The following ADCY1 variants were observed in gnomAD, a reference collection of about 807,000 sequenced individuals.
ADCY1 encodes adenylate cyclase 1, also known as adenylate cyclase type 1.
ADCY1 carries 28 observed loss-of-function variants against 105.4 expected under a neutral mutation model. The observed-to-expected ratio is 0.27, with a 90% confidence interval of 0.20 to 0.36. The LOEUF (loss-of-function observed/expected upper bound fraction) is 0.36, where lower values mean the gene tolerates loss of function less well. ADCY1 is among the 10% of genes least tolerant of loss of function. The probability of loss-of-function intolerance (pLI) is 1.00; values close to 1 mark genes in which losing one functional copy is unlikely to be tolerated. For synonymous variants in ADCY1, 655 were observed against 623.8 expected (o/e 1.05, Z -0.75); for missense variants, 977 against 1,434.2 (o/e 0.68, Z 5.15).
chr7:45,638,364 G>A (rs1026930381), intron 4 of ADCY1, among the ~76,000 whole-genome samples: 1 of 151,922 alleles, frequency 6.6e-6, no homozygotes, highest in Non-Finnish European at 1.5e-5. Flanking sequence ...ATTTTATCCA[G>A]TATAGCTTCC....
At chr7:45,622,304 C>T (rs1793922093) in intron 3 of ADCY1, among the ~76,000 whole-genome samples, 1 of 152,130 alleles carries the variant, frequency 6.6e-6, no homozygotes, top group Non-Finnish European at 1.5e-5. Context: ...GTCACGTAAC[C>T]TCCCCAAGAA....
intron 1 of ADCY1, among the ~76,000 whole-genome samples, chr7:45,590,376 C>T (rs1792878257): frequency 6.6e-6 from 1 of 152,194 alleles, no homozygotes; most frequent in African/African-American, 2.4e-5. Context: ...GTCCACCTGC[C>T]ATTCACTTCC....
In ADCY1 at chr7:45,591,143, A is replaced by G. The variant is rs1294653050; in HGVS notation, c.640-1616A>G. Among the ~76,000 whole-genome samples the G allele has an allele frequency of 2.0e-5, 3 of 152,102 alleles. No individual in the cohort carries two copies. The highest frequency in any genetic ancestry group is 4.8e-5 in the African/African-American group (2 of 41,400). ...TCCTGATGGATGTGCCTTTGAGGCT[A>G]TGTCATACACCTCAGGTTTGAAGGT... On this transcript the variant is annotated intron_variant, in intron 1 of 19. Transcript: ENST00000297323. The surrounding 1 kb of genome is among the most constrained non-coding windows in gnomAD (Gnocchi z 4.1).
chr7:45,664,645 T>C (rs1183746250), intron 8 of ADCY1: 1 of 618,124 alleles, frequency 1.6e-6, no homozygotes, highest in Non-Finnish European at 2.3e-6. Flanking sequence ...TGTGTCTGTA[T>C]TTTTTTAATA....
At chr7:45,681,355 C>G (rs1417234244) in intron 11 of ADCY1, among the ~76,000 whole-genome samples, 1 of 152,152 alleles carries the variant, frequency 6.6e-6, no homozygotes. Flanking sequence ...GTTTTGTTCT[C>G]TTGGTGGACT....
At position 45,591,458 on chromosome 7, in the gene ADCY1, G is replaced by A. The variant is rs1442124754; in HGVS notation, c.640-1301G>A. ...TTTTTGATTTTAGTTCTGTTTCATAGTGTGCAGCACACATTCACATGTGGG... is the reference window on the plus strand; with the variant it reads ...TTTTTGATTTTAGTTCTGTTTCATAATGTGCAGCACACATTCACATGTGGG... On this transcript the variant is annotated intron_variant, in intron 1 of 19. Coordinates refer to ENST00000297323, the MANE Select transcript of ADCY1 (RefSeq NM_021116.4). This position sits in a 1 kb window ranked among gnomAD's most constrained non-coding sequence, Gnocchi z 4.1. Among the ~76,000 whole-genome samples the A allele has an allele frequency of 6.6e-6, 1 of 152,240 alleles. No individual in the cohort carries two copies. Among genetic ancestry groups the A allele is most frequent in the African/African-American group, 2.4e-5 (1 of 41,472 alleles).
At chr7:45,713,637 C>T (rs1371108725) in intron 19 of ADCY1, 56 bp from the exon 20 acceptor site, 3 of 742,730 alleles carry the variant, frequency 4.0e-6, no homozygotes, top group East Asian at 4.9e-5. Context: ...TTGGTCTCTT[C>T]CCAGAGGAGT....
chr7:45,581,884 C>T (rs1792557596), intron 1 of ADCY1, among the ~76,000 whole-genome samples: 1 of 152,096 alleles, frequency 6.6e-6, no homozygotes, highest in Non-Finnish European at 1.5e-5. Context: ...CAAAAATCCT[C>T]CCAGATGCAT....
chr7:45,582,499 A>G (rs561708148), intron 1 of ADCY1, among the ~76,000 whole-genome samples: 1 of 134,416 alleles, frequency 7.4e-6, no homozygotes, highest in Admixed American at 8.8e-5. Context: ...AGCCTTCCTT[A>G]GGGAAGGGAG....
rs189939411 is a variant in ADCY1, at chr7:45,656,228, G to A, written c.1149-1499G>A. ...TGAGGCAGGAGAATGGTGTGAACCC[G>A]GGAGGCGGAGCTTGCAGTGAGGGGA... is the stretch of plus-strand genomic sequence containing the variant. On this transcript the variant is annotated intron_variant, in intron 5 of 19. Coordinates refer to ENST00000297323, the MANE Select transcript of ADCY1 (RefSeq NM_021116.4). 9.4e-4 allele frequency among the ~76,000 whole-genome samples: 143 copies of A among 152,128 alleles called. 1 individual carries two copies. The highest frequency in any genetic ancestry group is 3.1e-3 in the African/African-American group (129 of 41,522).
In ADCY1 at chr7:45,634,106, G is replaced by A. The variant is rs547944484; in HGVS notation, c.1020+11363G>A. 3.9e-5 allele frequency among the ~76,000 whole-genome samples: 6 copies of A among 152,216 alleles called. No homozygotes were observed. The East Asian group carries it at 5.8e-4, about 15-fold the overall frequency. On this transcript the variant is annotated intron_variant, in intron 4 of 19. Transcript: ENST00000297323. ...TATTGATAAACTGTACTGAAACTCC[G>A]CTGAGCTCACTCATTTCTGGTAGGT...
At chr7:45,655,939 T>G (rs1032705396) in intron 5 of ADCY1, among the ~76,000 whole-genome samples, 1 of 152,104 alleles carries the variant, frequency 6.6e-6, no homozygotes, top group Non-Finnish European at 1.5e-5. Flanking sequence ...ATTTCAGCGT[T>G]TGGTTTCAGT....
At chr7:45,595,950 T>C (rs3902808) in intron 2 of ADCY1, among the ~76,000 whole-genome samples, 10,829 of 152,356 alleles carry the variant, frequency 0.071, 399 homozygotes, top group African/African-American at 0.086. Flanking sequence ...CTACCTGCTG[T>C]CTGATGTCAG....
chr7:45,642,396 A>G (rs1189580138), intron 4 of ADCY1, among the ~76,000 whole-genome samples: 1 of 152,036 alleles, frequency 6.6e-6, no homozygotes, highest in Non-Finnish European at 1.5e-5. Context: ...TGGACTGGGG[A>G]TGGGTTGGTT....
In ADCY1 at chr7:45,652,612, G is replaced by A. The variant is rs375644784; in HGVS notation, c.1148+3815G>A. ...TTTCCTTTTCTGATCTGTAAACCTA[G>A]GCCTCCCACGCCTAGCATCTAGTCC... On this transcript the variant is annotated intron_variant, in intron 5 of 19. Transcript: ENST00000297323. Among the ~76,000 whole-genome samples, 8 of 152,184 alleles carry A rather than the reference G, an allele frequency of 5.3e-5. No individual in the cohort carries two copies. In the East Asian group the frequency reaches 5.8e-4, roughly 11 times the overall value.
At chr7:45,651,902 A>C (rs1794821532) in intron 5 of ADCY1, among the ~76,000 whole-genome samples, 1 of 152,178 alleles carries the variant, frequency 6.6e-6, no homozygotes, top group African/African-American at 2.4e-5. Context: ...GGAAATCCTA[A>C]GGCACATAAG....
intron 3 of ADCY1, among the ~76,000 whole-genome samples, chr7:45,621,762 C>T (rs1486575241): frequency 6.6e-6 from 1 of 152,132 alleles, no homozygotes; most frequent in African/African-American, 2.4e-5. Context: ...TGGGGGCGTT[C>T]TGGGTTCAGG....
intron 7 of ADCY1, 152 bp from the exon 8 acceptor site, chr7:45,661,907 A>G: frequency 1.1e-6 from 1 of 900,390 alleles, no homozygotes; most frequent in Non-Finnish European, 1.7e-6. Flanking sequence ...TATTCTGGGC[A>G]CGTTCCCCAA....
At position 45,583,944 on chromosome 7, in the gene ADCY1, T is replaced by TGTTTTG. The variant is rs372217245; in HGVS notation, c.639+8762_639+8763insGTTTTG. Among the ~76,000 whole-genome samples the TGTTTTG allele has an allele frequency of 3.1e-4, 43 of 137,070 alleles. 3 individuals carry two copies. The highest frequency in any genetic ancestry group is 3.7e-4 in the Non-Finnish European group (24 of 64,776). 89.9% of individuals were successfully genotyped at this position (137,070 alleles called of 152,430 possible). A position where few individuals can be genotyped will look rare whatever the true frequency, so the allele number is the denominator to read the frequency against. On this transcript the variant is annotated intron_variant, in intron 1 of 19. Coordinates refer to ENST00000297323, the MANE Select transcript of ADCY1 (RefSeq NM_021116.4). ...CATGAGCCACTGTGCCCTGTTTTTT[T>TGTTTTG]TTTTTTTTTTTTTTTTTTTTTCAGA...
Sources: gnomAD v4.1 joint callset for allele counts (sites outside exome capture counted in the v4.1 genomes callset) on GRCh38, gnomAD v4.1.1 for gene constraint, Gnocchi (gnomAD v3.1) non-coding constraint, MANE v1.5 for transcripts, NCBI Gene and HGNC (gene_info 2026-07-23, HGNC 2026-07-21) for gene names.